Variants in ZNF704 observed in about 807,000 individuals in gnomAD.
ZNF704 encodes the protein zinc finger protein 704, also known as glucocorticoid induced gene 1.
In ZNF704, 10 loss-of-function variants were observed where a neutral mutation model predicts 44.7. That is an observed-to-expected ratio of 0.22 (90% CI 0.14 to 0.38). The LOEUF is 0.38. Among genes scored for constraint, ZNF704 ranks in the 10% least tolerant of loss-of-function variants. ZNF704 has a pLI of 1.00. For synonymous variants in ZNF704, 211 were observed against 207.6 expected (o/e 1.02, Z -0.14); for missense variants, 390 against 545.5 (o/e 0.71, Z 2.84).
chr8:80,644,507 G>A (rs1817796413), intron 7 of ZNF704, among the ~76,000 whole-genome samples: 1 of 151,996 alleles, frequency 6.6e-6, no homozygotes, highest in African/African-American at 2.4e-5. Context: ...AACATGAACA[G>A]ATTTCTTGAA....
intron 2 of ZNF704, among the ~76,000 whole-genome samples, chr8:80,775,131 A>G (rs1807389739): frequency 6.6e-6 from 1 of 152,188 alleles, no homozygotes; most frequent in Admixed American, 6.5e-5. Context: ...CCATCCTATC[A>G]TCTTAGGAAT....
At chr8:80,683,745 T>G (rs1330764609) in intron 4 of ZNF704, among the ~76,000 whole-genome samples, 2 of 152,190 alleles carry the variant, frequency 1.3e-5, no homozygotes, top group African/African-American at 4.8e-5. Context: ...TAAGCAAATA[T>G]AGTGATTATC....
At chr8:80,882,464 T>C in the ZNF704 span, among the ~76,000 whole-genome samples, 7 of 152,234 alleles carry the variant, frequency 4.6e-5, no homozygotes, top group East Asian at 1.3e-3. Flanking sequence ...AGAATCAGAG[T>C]TTTTCATATC....
At chr8:80,672,411 T>C (rs1169733394) in intron 4 of ZNF704, among the ~76,000 whole-genome samples, 3 of 152,198 alleles carry the variant, frequency 2.0e-5, no homozygotes, top group Non-Finnish European at 4.4e-5. Context: ...GCAATCCCAT[T>C]ACTGGGTGTA....
intron 3 of ZNF704, among the ~76,000 whole-genome samples, chr8:80,691,540 T>C (rs1477344065): frequency 6.6e-6 from 1 of 152,212 alleles, no homozygotes; most frequent in Non-Finnish European, 1.5e-5. Context: ...CCTCGGCTCT[T>C]TTCCCACTGC....
chr8:80,795,611 G>A (rs1281969590), intron 2 of ZNF704, among the ~76,000 whole-genome samples: 19 of 151,820 alleles, frequency 1.3e-4, no homozygotes, highest in Admixed American at 7.2e-4. Context: ...CTAGCTACTC[G>A]GGAGGCTGCG....
intron 2 of ZNF704, among the ~76,000 whole-genome samples, chr8:80,801,146 C>G (rs1807893109): frequency 6.6e-6 from 1 of 152,264 alleles, no homozygotes; most frequent in South Asian, 2.1e-4. Context: ...GCACCCAATA[C>G]AGGAGAACCC....
chr8:80,697,984 G>A (rs1019885659), intron 2 of ZNF704, among the ~76,000 whole-genome samples: 2 of 152,156 alleles, frequency 1.3e-5, no homozygotes, highest in Non-Finnish European at 2.9e-5. Flanking sequence ...GTTTCCAGTC[G>A]GTGCTTTGGC....
At chr8:80,828,984 G>C (rs923530399) in intron 1 of ZNF704, among the ~76,000 whole-genome samples, 2 of 152,120 alleles carry the variant, frequency 1.3e-5, no homozygotes, top group African/African-American at 2.4e-5. Flanking sequence ...TCTTCCCATA[G>C]TTTTCCTGTC....
At chr8:80,671,261 G>A (rs896959145) in intron 4 of ZNF704, among the ~76,000 whole-genome samples, 3 of 152,080 alleles carry the variant, frequency 2.0e-5, no homozygotes, top group African/African-American at 7.2e-5. Flanking sequence ...CCAAGTAGTT[G>A]GGACCATAGG....
upstream of ZNF704, chr8:80,874,869 T>G (rs555580261): frequency 3.5e-4 from 54 of 152,316 alleles, no homozygotes; most frequent in Non-Finnish European, 3.5e-4. The surrounding 1 kb of genome is among the most constrained non-coding windows in gnomAD (Gnocchi z 4.4). Flanking sequence ...AAACACTGTT[T>G]CATGAGCGAT....
chr8:80,872,683 T>C (rs1226124884), intron 1 of ZNF704, among the ~76,000 whole-genome samples: 4 of 152,156 alleles, frequency 2.6e-5, no homozygotes, highest in Non-Finnish European at 5.9e-5. Context: ...ATAGCATGCC[T>C]GAAAGCCCAA....
At chr8:80,657,413 C>T (rs1447550943) in intron 7 of ZNF704, among the ~76,000 whole-genome samples, 1 of 152,146 alleles carries the variant, frequency 6.6e-6, no homozygotes, top group East Asian at 1.9e-4. Flanking sequence ...AAGCTCTCAG[C>T]TGGGCGCAGT....
At position 80,697,959 on chromosome 8, in the gene ZNF704, T is replaced by C. The variant is rs148850681; in HGVS notation, c.222-4852A>G. ...AACTGGCTCATGGAGAAGCAGCTGC[T>C]GGTCCCTCACTAGAGTTTCCAGTCG... On this transcript the variant is annotated intron_variant, in intron 2 of 8. Coordinates refer to ENST00000327835, the MANE Select transcript of ZNF704 (RefSeq NM_001033723.3). 1.9e-4 allele frequency among the ~76,000 whole-genome samples: 29 copies of C among 152,354 alleles called. 1 individual carries two copies. In the East Asian group the frequency reaches 5.6e-3, roughly 29 times the overall value.
chr8:80,710,208 C>T (rs571291488), intron 2 of ZNF704, among the ~76,000 whole-genome samples: 2 of 152,284 alleles, frequency 1.3e-5, no homozygotes, highest in African/African-American at 4.8e-5. Context: ...CCCTTATTAA[C>T]CTGTTTAGGT....
chr8:80,664,325 G>A (rs891794322), intron 6 of ZNF704, among the ~76,000 whole-genome samples: 4 of 149,830 alleles, frequency 2.7e-5, no homozygotes, highest in Non-Finnish European at 4.4e-5. Context: ...AGGCTGGAGT[G>A]CAATGGTGGG....
At chr8:80,824,084 G>A (rs1426393084) in intron 1 of ZNF704, among the ~76,000 whole-genome samples, 1 of 152,156 alleles carries the variant, frequency 6.6e-6, no homozygotes, top group Non-Finnish European at 1.5e-5. Context: ...TGACTTTAAC[G>A]AGTTGAGAGA....
chr8:80,678,291 A>AG lies in ZNF704; in HGVS notation c.559-7689dup, dbSNP rs752340864. ...GGAAGACTGTCAACTGTTTTGGAGGAGGGGGCAATCGCAAAACAAAGTTCT... is the reference window on the plus strand; with the variant it reads ...GGAAGACTGTCAACTGTTTTGGAGGAGGGGGGCAATCGCAAAACAAAGTTCT... On this transcript the variant is annotated intron_variant, in intron 4 of 8. Coordinates refer to ENST00000327835, the MANE Select transcript of ZNF704 (RefSeq NM_001033723.3). Among the ~76,000 whole-genome samples, 7 of 152,196 alleles carry AG rather than the reference A, an allele frequency of 4.6e-5. No individual in the cohort carries two copies. In the South Asian group the frequency reaches 8.3e-4, roughly 18 times the overall value.
At chr8:80,738,821 G>T (rs192167308) in intron 2 of ZNF704, among the ~76,000 whole-genome samples, 1 of 152,146 alleles carries the variant, frequency 6.6e-6, no homozygotes, top group East Asian at 1.9e-4. Flanking sequence ...AAAAGAAAAT[G>T]ACTCTTCCTT....
Sources: allele counts gnomAD v4.1 joint callset (sites outside exome capture counted in the v4.1 genomes callset), GRCh38; gene constraint gnomAD v4.1.1; non-coding constraint Gnocchi (gnomAD v3.1); transcripts MANE v1.5; gene names NCBI Gene and HGNC (gene_info 2026-07-23, HGNC 2026-07-21).